The following ATP8B1 variants were observed in gnomAD, a reference collection of about 807,000 sequenced individuals.
The protein encoded by ATP8B1 is ATPase phospholipid transporting 8B1, also known as phospholipid-transporting ATPase IC.
ATP8B1 carries 80 observed loss-of-function variants against 149.9 expected under a neutral mutation model. That is an observed-to-expected ratio of 0.53 (90% CI 0.45 to 0.64). The LOEUF (loss-of-function observed/expected upper bound fraction) is 0.64, where lower values mean the gene tolerates loss of function less well. Ranked by LOEUF, ATP8B1 falls within the 30% of genes least tolerant of loss-of-function variation. ATP8B1 has a pLI of 0.00. For missense variants in ATP8B1, 1,247 were observed against 1,552.6 expected, an observed-to-expected ratio of 0.80 and a Z score of 3.31; for synonymous variants, 536 against 562.8, an observed-to-expected ratio of 0.95 and a Z score of 0.67.
At chr18:57,694,701 G>C (rs752595589) in intron 10 of ATP8B1, 31 bp from the exon 11 acceptor site, 9 of 1,425,122 alleles carry the variant, frequency 6.3e-6, no homozygotes, top group Non-Finnish European at 7.9e-6. Context: ...GTAGTCATCA[G>C]TTGGGAAAAA....
chr18:57,759,840 A>T lies in ATP8B1; in HGVS notation c.-25-28008T>A, dbSNP rs1253716703. Among the ~76,000 whole-genome samples the T allele has an allele frequency of 4.0e-5, 6 of 149,298 alleles. No homozygotes were observed. In the East Asian group the frequency reaches 1.2e-3, roughly 29 times the overall value. On this transcript the variant is annotated intron_variant, in intron 1 of 27. Transcript: ENST00000648908. The stretch of plus-strand genomic sequence containing the variant: ...TCTCGGGAAAGAAAAAAAAAAAAAA[A>T]GGTATTTGGATGACTCAGAATAGGC...
intron 8 of ATP8B1, 68 bp from the exon 9 acceptor site, chr18:57,695,600 C>T: frequency 1.6e-6 from 2 of 1,214,158 alleles, no homozygotes; most frequent in Non-Finnish European, 1.2e-6. Context: ...GTTAATCATC[C>T]AAAGTTACAT....
intron 15 of ATP8B1, among the ~76,000 whole-genome samples, chr18:57,679,740 C>T (rs529406047): frequency 5.1e-4 from 78 of 152,270 alleles, no homozygotes; most frequent in African/African-American, 1.8e-3. Context: ...TCTCGGCTCA[C>T]AGCAACCTCC....
rs766474265 is a variant in ATP8B1, at chr18:57,729,394, CATGTTTT to C, written c.181+2226_181+2232del. ...AGCGGGGAAAGGAATGAGGAAGAAG[CATGTTTT>C]ATTCACTGTTTGGGCAATCAACTAG... is the stretch of plus-strand genomic sequence containing the variant. On this transcript the variant is annotated intron_variant, in intron 2 of 27. Transcript: ENST00000648908. Among the ~76,000 whole-genome samples, 57 of 152,230 alleles carry C rather than the reference CATGTTTT, an allele frequency of 3.7e-4. No homozygotes were observed. The Middle Eastern group carries it at 0.01, about 27-fold the overall frequency.
chr18:57,661,890 T>C (rs1910470475), intron 21 of ATP8B1, among the ~76,000 whole-genome samples: 2 of 151,830 alleles, frequency 1.3e-5, no homozygotes, highest in Non-Finnish European at 2.9e-5. Context: ...AATTATTTTT[T>C]TTGTATTTTA....
chr18:57,699,376 A>G (rs1359293712), intron 6 of ATP8B1, among the ~76,000 whole-genome samples: 4 of 152,222 alleles, frequency 2.6e-5, no homozygotes, highest in African/African-American at 7.2e-5. Context: ...AGGATTAGGA[A>G]ACACTTCATT....
In ATP8B1 at chr18:57,688,297, A is replaced by AT; in HGVS notation, c.1429+1_1429+2insA. On this transcript the variant is annotated splice_donor_variant, in intron 13 of 27. Coordinates refer to ENST00000648908, the MANE Select transcript of ATP8B1 (RefSeq NM_001374385.1). LOFTEE classifies it high-confidence loss of function. ...AGAAAATGAGTGACGGCTTCCACTTACCATATATCTGCCCGTTGATACAGC... is the reference window on the plus strand; with the variant it reads ...AGAAAATGAGTGACGGCTTCCACTTATCCATATATCTGCCCGTTGATACAGC... 1 of 1,613,742 alleles carries AT rather than the reference A, an allele frequency of 6.2e-7. No homozygotes were observed. Among genetic ancestry groups the AT allele is most frequent in the Non-Finnish European group, 8.5e-7 (1 of 1,179,786 alleles).
rs1174297947 is a variant in ATP8B1, at chr18:57,671,494, T to G, written c.1906A>C (p.Lys636Gln). The G allele has an allele frequency of 6.2e-7, 1 of 1,613,508 alleles. No homozygotes were observed. The highest frequency in any genetic ancestry group is 8.5e-7 in the Non-Finnish European group (1 of 1,179,556). ...YERLHRMNPT[K>Q]QETQDALDIF... ...TCCAGGGCATCCTGTGTTTCTTGCTTAGTAGGATTCATTCGATGTAACCGT... is the reference window on the plus strand; with the variant it reads ...TCCAGGGCATCCTGTGTTTCTTGCTGAGTAGGATTCATTCGATGTAACCGT... Residue 636 changes from lysine (K) to glutamine (Q), a missense_variant, in exon 17 of 28, where the codon AAG (lysine) becomes CAG (glutamine). Transcript: ENST00000648908.
At position 57,778,225 on chromosome 18, in the gene ATP8B1, T is replaced by TC. The variant is rs1301294417; in HGVS notation, c.-26+24772_-26+24773insG. 4.1e-4 allele frequency among the ~76,000 whole-genome samples: 39 copies of TC among 95,434 alleles called. 1 individual carries two copies. The highest frequency in any genetic ancestry group is 1.6e-3 in the African/African-American group (35 of 21,652). 62.6% of individuals were successfully genotyped at this position (95,434 alleles called of 152,430 possible). A position where few individuals can be genotyped will look rare whatever the true frequency, so the allele number is the denominator to read the frequency against. ...TTTATAATCTCAGTTTCTTTTTCTT[T>TC]TTCTTTTTTTTTTTTTTTGAGACGG... On this transcript the variant is annotated intron_variant, in intron 1 of 27. Transcript: ENST00000648908.
chr18:57,791,691 T>C (rs1257113029), intron 1 of ATP8B1, among the ~76,000 whole-genome samples: 4 of 152,184 alleles, frequency 2.6e-5, no homozygotes, highest in Non-Finnish European at 5.9e-5. Flanking sequence ...ATCATATGGG[T>C]ACACCAATTT....
At chr18:57,769,769 A>G (rs904457223) in intron 1 of ATP8B1, among the ~76,000 whole-genome samples, 1 of 152,258 alleles carries the variant, frequency 6.6e-6, no homozygotes, top group Non-Finnish European at 1.5e-5. Context: ...AGTAGATCTG[A>G]TCGAAGAACT....
chr18:57,802,619 G>T lies in ATP8B1; in HGVS notation c.-26+379C>A, dbSNP rs1259890998. 6.6e-6 allele frequency among the ~76,000 whole-genome samples: 1 copy of T among 152,212 alleles called. No homozygotes were observed. The highest frequency in any genetic ancestry group is 2.4e-5 in the African/African-American group (1 of 41,448). ...GTCTTCCAGAGGGGCGGTAGCCACC[G>T]CACAGGAGCCAGCGGCATCCCCCAA... On this transcript the variant is annotated intron_variant, in intron 1 of 27. Coordinates refer to ENST00000648908, the MANE Select transcript of ATP8B1 (RefSeq NM_001374385.1). The surrounding 1 kb of genome is among the most constrained non-coding windows in gnomAD (Gnocchi z 4.9).
intron 15 of ATP8B1, 25 bp downstream of exon 15, chr18:57,684,011 C>G (rs377198262): frequency 3.4e-5 from 55 of 1,614,030 alleles, no homozygotes; most frequent in Middle Eastern, 1.7e-4. Context: ...GTCTCTAATG[C>G]CTGAGATGCC....
In ATP8B1 at chr18:57,674,882, G is replaced by C; in HGVS notation, c.1771C>G (p.Leu591Val). Residue 591 changes from leucine to valine, a missense_variant, in exon 16 of 28, where the codon CTT becomes GTT. Physicochemically the swap from Leu to Val is conservative, Grantham distance 32. Transcript: ENST00000648908. ...TCACTGTTGAAGTCCAAAATGGCAAGAACATTGTAAGTCCTTTCAGTGCCC... is the reference window on the plus strand; with the variant it reads ...TCACTGTTGAAGTCCAAAATGGCAACAACATTGTAAGTCCTTTCAGTGCCC... ...ELGTERTYNV[L>V]AILDFNSDRK... is the part of the protein sequence containing the mutation. 6.2e-7 allele frequency: 1 copy of C among 1,614,218 alleles called. No homozygotes were observed. Among genetic ancestry groups the C allele is most frequent in the Non-Finnish European group, 8.5e-7 (1 of 1,180,024 alleles).
chr18:57,759,155 C>CAAAAAAAAAAAA (rs566728161), intron 1 of ATP8B1, among the ~76,000 whole-genome samples: 53 of 106,286 alleles, frequency 5.0e-4, no homozygotes, highest in African/African-American at 1.2e-3. Context: ...GATTCCATCT[C>CAAAAAAAAAAAA]AAAAAAAAAA....
chr18:57,702,580 A>C (rs1477044405), intron 4 of ATP8B1, among the ~76,000 whole-genome samples: 1 of 152,232 alleles, frequency 6.6e-6, no homozygotes, highest in Non-Finnish European at 1.5e-5. Flanking sequence ...TAACTGCGCC[A>C]GGCACGGTAG....
chr18:57,670,940 C>A (rs920304196), intron 17 of ATP8B1, among the ~76,000 whole-genome samples: 1 of 152,046 alleles, frequency 6.6e-6, no homozygotes, highest in Admixed American at 6.6e-5. Context: ...AACTCCTGAC[C>A]TCAGGTGATA....
In ATP8B1 at chr18:57,648,663, C is replaced by T. The variant is rs1287415755; in HGVS notation, c.3581G>A (p.Arg1194Gln). The change falls in exon 28 of 28, where the codon CGG (arginine) becomes CAG (glutamine). Residue 1194 changes from arginine to glutamine, a missense_variant. Coordinates refer to ENST00000648908, the MANE Select transcript of ATP8B1 (RefSeq NM_001374385.1). ...CACGCCCCGGCGGAACACCTGCTGC[C>T]GTCGCTGCCACTGCTCCTCCGCCTT... ...RLKAEEQWQR[R>Q]QQVFRRGVST... is the part of the protein sequence containing the mutation. The T allele has an allele frequency of 4.4e-6, 7 of 1,576,120 alleles. No homozygotes were observed. The East Asian group carries it at 1.2e-4, about 26-fold the overall frequency.
intron 1 of ATP8B1, among the ~76,000 whole-genome samples, chr18:57,765,697 T>A (rs1167725643): frequency 1.4e-5 from 2 of 146,448 alleles, no homozygotes; most frequent in Non-Finnish European, 3.0e-5. Context: ...AAGGTTAAGG[T>A]CAAGCGCATT....
Sources: gnomAD v4.1 joint callset for allele counts (sites outside exome capture counted in the v4.1 genomes callset) on GRCh38, gnomAD v4.1.1 for gene constraint, Gnocchi (gnomAD v3.1) non-coding constraint, MANE v1.5 for transcripts, NCBI Gene and HGNC (gene_info 2026-07-23, HGNC 2026-07-21) for gene names.